Variants in DAP observed in about 807,000 individuals in gnomAD.
DAP encodes death-associated protein 1.
In DAP, 8 loss-of-function variants were observed where a neutral mutation model predicts 13.8. That is an observed-to-expected ratio of 0.58 (90% confidence interval 0.34 to 1.05). DAP has a LOEUF of 1.05. Among genes scored for constraint, DAP ranks in the 50% least tolerant of loss-of-function variants. The pLI is 0.03. For synonymous variants in DAP, 47 were observed against 47.5 expected (o/e 0.99, Z 0.04); for missense variants, 106 against 133.2 (o/e 0.80, Z 1.01).
At chr5:10,743,371 C>T (rs1352920834) in intron 2 of DAP, among the ~76,000 whole-genome samples, 1 of 152,170 alleles carries the variant, frequency 6.6e-6, no homozygotes, top group African/African-American at 2.4e-5. Context: ...TGTTGGCTTA[C>T]TTGTCAGGTG....
At chr5:10,710,228 G>A (rs769934597) in intron 2 of DAP, among the ~76,000 whole-genome samples, 1 of 152,014 alleles carries the variant, frequency 6.6e-6, no homozygotes, top group African/African-American at 2.4e-5. Context: ...TTTTGGCCAG[G>A]GGCCATAAGG....
intron 2 of DAP, among the ~76,000 whole-genome samples, chr5:10,708,319 C>A (rs1359656738): frequency 6.6e-6 from 1 of 151,316 alleles, no homozygotes; most frequent in East Asian, 2.0e-4. Flanking sequence ...GACACACAGA[C>A]ACAGACACAC....
intron 1 of DAP, among the ~76,000 whole-genome samples, chr5:10,757,584 T>C (rs567658317): frequency 2.2e-4 from 34 of 152,108 alleles, no homozygotes; most frequent in Admixed American, 4.6e-4. Flanking sequence ...CTGGGTCAGG[T>C]TTTTAAACGG....
Position 10,757,130 on chromosome 5 carries a change from G to A in DAP, c.55+3884C>T, listed in dbSNP as rs545147918. 7.7e-4 allele frequency among the ~76,000 whole-genome samples: 117 copies of A among 152,242 alleles called. 1 individual carries two copies. The highest frequency in any genetic ancestry group is 1.2e-3 in the Admixed American group (18 of 15,298). On this transcript the variant is annotated intron_variant, in intron 1 of 3. Coordinates refer to ENST00000230895, the MANE Select transcript of DAP (RefSeq NM_004394.3). ...GAAGCCTTTACAAACTGCCTCATTC[G>A]TCTCCCACCTTGGGAGGAGGCACCT...
chr5:10,730,876 G>A (rs1199654452), intron 2 of DAP, among the ~76,000 whole-genome samples: 2 of 123,260 alleles, frequency 1.6e-5, no homozygotes, highest in African/African-American at 6.4e-5. Context: ...CCCTGGTGGG[G>A]GGAATCTTTC....
chr5:10,714,565 GA>G (rs914234058), intron 2 of DAP, among the ~76,000 whole-genome samples: 4 of 152,092 alleles, frequency 2.6e-5, no homozygotes, highest in Admixed American at 1.3e-4. Context: ...AAAATATACA[GA>G]AAAAAATTCA....
chr5:10,760,983 G>A (rs1203200956), intron 1 of DAP, 31 bp downstream of exon 1: 1 of 1,210,376 alleles, frequency 8.3e-7, no homozygotes, highest in Non-Finnish European at 1.0e-6. Context: ...CCCGGCACCC[G>A]CGCGTGGAGA....
At chr5:10,713,707 G>A (rs1225252273) in intron 2 of DAP, among the ~76,000 whole-genome samples, 3 of 152,200 alleles carry the variant, frequency 2.0e-5, no homozygotes, top group Non-Finnish European at 2.9e-5. Context: ...GCAAGGAGCC[G>A]TCCCTCCAGC....
intron 2 of DAP, among the ~76,000 whole-genome samples, chr5:10,684,545 G>A (rs186756736): frequency 2.0e-5 from 3 of 152,338 alleles, no homozygotes; most frequent in African/African-American, 4.8e-5. Context: ...AACACACACT[G>A]TTAACGTGGG....
At chr5:10,686,596 GTCTAA>G (rs898000999) in intron 2 of DAP, among the ~76,000 whole-genome samples, 14 of 152,340 alleles carry the variant, frequency 9.2e-5, no homozygotes, top group Middle Eastern at 6.8e-3. Flanking sequence ...TTAAGCCAAA[GTCTAA>G]TCTAGAGAAA....
intron 2 of DAP, among the ~76,000 whole-genome samples, chr5:10,710,566 A>AAGTG (rs1738822682): frequency 6.6e-6 from 1 of 152,136 alleles, no homozygotes; most frequent in African/African-American, 2.4e-5. Flanking sequence ...GTGTGGTGGG[A>AAGTG]TGATGGGTGT....
intron 2 of DAP, among the ~76,000 whole-genome samples, chr5:10,739,711 A>G (rs1159854622): frequency 6.6e-6 from 1 of 152,066 alleles, no homozygotes; most frequent in African/African-American, 2.4e-5. Context: ...AATTAATTTG[A>G]TATTTGTGAG....
chr5:10,733,625 G>A (rs1432252048), intron 2 of DAP: 1 of 152,136 alleles, frequency 6.6e-6, no homozygotes, highest in Non-Finnish European at 1.5e-5. Context: ...CTACAGTCCT[G>A]CCTTAGGGGA....
chr5:10,757,688 CA>C (rs1242201014), intron 1 of DAP, among the ~76,000 whole-genome samples: 2 of 152,164 alleles, frequency 1.3e-5, no homozygotes, highest in Non-Finnish European at 2.9e-5. Context: ...TTGTGACACT[CA>C]ACAAACTTCA....
chr5:10,716,311 C>T (rs1156415810), intron 2 of DAP, among the ~76,000 whole-genome samples: 2 of 152,142 alleles, frequency 1.3e-5, no homozygotes, highest in Non-Finnish European at 2.9e-5. Context: ...AGAGTAAACT[C>T]CTTCGAAGTC....
chr5:10,746,531 T>C (rs2918412), intron 2 of DAP, among the ~76,000 whole-genome samples: 45,087 of 151,780 alleles, frequency 0.3, 7,466 homozygotes, highest in African/African-American at 0.45. Flanking sequence ...GGTTTCCCCA[T>C]GTTGGCCAGG....
At chr5:10,757,388 C>T (rs1045575678) in intron 1 of DAP, among the ~76,000 whole-genome samples, 1 of 152,136 alleles carries the variant, frequency 6.6e-6, no homozygotes, top group African/African-American at 2.4e-5. Flanking sequence ...GATTTTCCTG[C>T]CTCAGCCTAC....
rs982024616 is a variant in DAP, at chr5:10,680,469, C to G, written c.*587G>C. 5 of 514,250 alleles carry G rather than the reference C, an allele frequency of 9.7e-6. No individual in the cohort carries two copies. The highest frequency in any genetic ancestry group is 9.6e-5 in the African/African-American group (5 of 51,990). 31.9% of individuals were successfully genotyped at this position (514,250 alleles called of 1,614,324 possible). On this transcript the variant is annotated 3_prime_UTR_variant, in exon 4 of 4. Coordinates refer to ENST00000230895, the MANE Select transcript of DAP (RefSeq NM_004394.3). ...GACTCCTGGAATTGAGGGGCTATTTCTAAGATGCATGCTTTTTCGGCTTTT... is the reference window on the plus strand; with the variant it reads ...GACTCCTGGAATTGAGGGGCTATTTGTAAGATGCATGCTTTTTCGGCTTTT...
chr5:10,691,158 G>A (rs1738297684), intron 2 of DAP, among the ~76,000 whole-genome samples: 1 of 152,148 alleles, frequency 6.6e-6, no homozygotes, highest in Non-Finnish European at 1.5e-5. Flanking sequence ...AACTGAAAAG[G>A]CCATAATTGG....
Sources: allele counts gnomAD v4.1 joint callset (sites outside exome capture counted in the v4.1 genomes callset), GRCh38; gene constraint gnomAD v4.1.1; transcripts MANE v1.5; gene names NCBI Gene and HGNC (gene_info 2026-07-23, HGNC 2026-07-21).